The following IGBP1 variants were observed in gnomAD, a reference collection of about 807,000 sequenced individuals.
The protein encoded by IGBP1 is immunoglobulin binding protein 1.
A neutral mutation model predicts 25.9 loss-of-function variants in IGBP1; 2 were observed. The observed-to-expected ratio is 0.08, with a 90% CI of 0.03 to 0.24. The LOEUF is 0.24. Among genes scored for constraint, IGBP1 ranks in the 10% least tolerant of loss-of-function variants. IGBP1 has a pLI of 1.00. For missense variants in IGBP1, 187 were observed against 260.4 expected (o/e 0.72, Z 1.94); for synonymous variants, 96 against 93.4 (o/e 1.03, Z -0.16).
intron 5 of IGBP1, 78 bp from the exon 6 acceptor site, chrX:70,150,132 T>A: frequency 1.7e-6 from 1 of 586,628 alleles, no homozygotes; most frequent in Non-Finnish European, 2.9e-6. Flanking sequence ...TTAGAGAGAC[T>A]TTTTGTAGTA....
intron 6 of IGBP1, among the ~76,000 whole-genome samples, chrX:70,153,860 A>T (rs1196897000): frequency 1.8e-5 from 2 of 110,920 alleles, no homozygotes; most frequent in African/African-American, 6.6e-5. Context: ...CCGCTCCCCA[A>T]AGTGAATGAT....
At chrX:70,136,592 A>G (rs1482805866) in intron 3 of IGBP1, among the ~76,000 whole-genome samples, 1 of 111,399 alleles carries the variant, frequency 9.0e-6, no homozygotes, top group Non-Finnish European at 1.9e-5. Flanking sequence ...AATATCTGGC[A>G]TGTGGTGAGT....
chrX:70,160,830 A>C (rs2147590823), intron 6 of IGBP1, among the ~76,000 whole-genome samples: 1 of 112,310 alleles, frequency 8.9e-6, no homozygotes, highest in South Asian at 3.7e-4. Context: ...GGAGTGTCAA[A>C]GTTAGTGTTA....
rs963491565 is a variant in IGBP1 at position 70,133,463 on chromosome X, C to G, written c.-303C>G. 2.1e-5 allele frequency: 5 copies of G among 235,057 alleles called. No homozygotes were observed. Among genetic ancestry groups the G allele is most frequent in the African/African-American group, 1.4e-4 (5 of 34,944 alleles). The allele number at this position is 235,057 out of a possible 1,213,427, so 19.4% of individuals were successfully genotyped here. A position where few individuals can be genotyped will look rare whatever the true frequency, so the allele number is the denominator to read the frequency against. ...GCGCTACTTGCACTTCGCGCTCAAG[C>G]GACCGGATCTTCAAACCGTGGGAGT... is the stretch of plus-strand genomic sequence containing the variant. On this transcript the variant is annotated 5_prime_UTR_variant, in exon 1 of 7. Transcript: ENST00000356413.
intron 3 of IGBP1, among the ~76,000 whole-genome samples, chrX:70,137,585 A>G (rs1464225946): frequency 9.1e-6 from 1 of 109,948 alleles, no homozygotes; most frequent in Non-Finnish European, 1.9e-5. Context: ...TCCGCTGGTA[A>G]GGACCATGAG....
intron 4 of IGBP1, among the ~76,000 whole-genome samples, chrX:70,147,122 G>A (rs1183462119): frequency 9.0e-6 from 1 of 111,629 alleles, no homozygotes; most frequent in Non-Finnish European, 1.9e-5. Context: ...GGAAGGCATA[G>A]GGAGTTAAAC....
At chrX:70,149,719 G>A (rs2085191027) in intron 5 of IGBP1, 1 of 120,314 alleles carries the variant, frequency 8.3e-6, no homozygotes, top group Non-Finnish European at 1.7e-5. Context: ...ATAATTGAAT[G>A]GAGAATTGTA....
At chrX:70,135,307 AAAC>A (rs1311160442) in intron 3 of IGBP1, among the ~76,000 whole-genome samples, 1 of 111,653 alleles carries the variant, frequency 9.0e-6, no homozygotes, top group Non-Finnish European at 1.9e-5. Flanking sequence ...TTTGTTTTTT[AAAC>A]AACATTTAAT....
intron 3 of IGBP1, among the ~76,000 whole-genome samples, chrX:70,137,062 C>G (rs1236830617): frequency 2.7e-5 from 3 of 110,973 alleles, no homozygotes; most frequent in Non-Finnish European, 5.7e-5. Flanking sequence ...GTACACTGTA[C>G]CAGCAGTTAG....
At chrX:70,138,308 C>G (rs1569421364) in intron 3 of IGBP1, among the ~76,000 whole-genome samples, 1 of 109,748 alleles carries the variant, frequency 9.1e-6, no homozygotes, top group African/African-American at 3.3e-5. Flanking sequence ...AAGTAAGACT[C>G]TGTCTGTACC....
At chrX:70,144,921 G>A (rs1343256688) in intron 3 of IGBP1, among the ~76,000 whole-genome samples, 3 of 108,433 alleles carry the variant, frequency 2.8e-5, no homozygotes, top group African/African-American at 1.0e-4. Context: ...GCCTCCCAAA[G>A]TCCTGGGATT....
chrX:70,154,714 C>CAAAAAAAAAAAAAAA (rs762954223), intron 6 of IGBP1, among the ~76,000 whole-genome samples: 6 of 27,100 alleles, frequency 2.2e-4, no homozygotes, highest in Admixed American at 1.4e-3. Context: ...CCCCTCTCCA[C>CAAAAAAAAAAAAAAA]AAAAAAAAAA....
chrX:70,133,574 A>C, intron 1 of IGBP1, 34 bp downstream of exon 1: 1 of 380,917 alleles, frequency 2.6e-6, no homozygotes, highest in Non-Finnish European at 4.5e-6. Flanking sequence ...CCTAAAACGC[A>C]CTCGCTCGTC....
intron 6 of IGBP1, among the ~76,000 whole-genome samples, chrX:70,156,610 G>T (rs755833650): frequency 8.9e-6 from 1 of 112,085 alleles, no homozygotes; most frequent in African/African-American, 3.2e-5. Flanking sequence ...CTTCTAACTG[G>T]GAATAAGTTC....
chrX:70,154,286 A>G (rs1187290131), intron 6 of IGBP1, among the ~76,000 whole-genome samples: 3 of 105,403 alleles, frequency 2.8e-5, no homozygotes, highest in Admixed American at 1.0e-4. Context: ...GTTAGCCAGG[A>G]TAGTCTCGAT....
At chrX:70,143,179 C>A (rs1243955835) in intron 3 of IGBP1, among the ~76,000 whole-genome samples, 1 of 111,334 alleles carries the variant, frequency 9.0e-6, no homozygotes, top group African/African-American at 3.3e-5. Flanking sequence ...ACCTCAGCCT[C>A]CCAAAGTGCT....
Position 70,133,524 on chromosome X carries a change from A to G in IGBP1, c.-242A>G, listed in dbSNP as rs776440451. On this transcript the variant is annotated 5_prime_UTR_variant, in exon 1 of 7. Transcript: ENST00000356413. Reference sequence around the variant, plus strand: ...CTAGAGTCCCTGGACTCCTCAACCTAGGGAGCTACTCGCGAGGTAAGGGGC... The same window carrying G: ...CTAGAGTCCCTGGACTCCTCAACCTGGGGAGCTACTCGCGAGGTAAGGGGC... 33 of 340,106 alleles carry G rather than the reference A, an allele frequency of 9.7e-5. No individual in the cohort carries two copies. Among genetic ancestry groups the G allele is most frequent in the Middle Eastern group, 7.9e-4 (1 of 1,270 alleles). The allele number at this position is 340,106 out of a possible 1,213,427, so 28.0% of individuals were successfully genotyped here. A position where few individuals can be genotyped will look rare whatever the true frequency, so the allele number is the denominator to read the frequency against.
Position 70,163,189 on chromosome X carries a change from T to C in IGBP1, c.872-2644T>C, listed in dbSNP as rs1004271246. ...TGCCTGGCAGATTTTAAAAGTTTTT[T>C]TCTTTTTTATAATTTTTTGAGCCAA... On this transcript the variant is annotated intron_variant, in intron 6 of 6. Coordinates refer to ENST00000356413, the MANE Select transcript of IGBP1 (RefSeq NM_001551.3). 2.7e-5 allele frequency among the ~76,000 whole-genome samples: 3 copies of C among 110,625 alleles called. No individual in the cohort carries two copies. The Admixed American group carries it at 2.9e-4, about 11-fold the overall frequency.
intron 6 of IGBP1, among the ~76,000 whole-genome samples, chrX:70,150,943 C>T (rs2085198652): frequency 9.1e-6 from 1 of 110,258 alleles, no homozygotes; most frequent in South Asian, 3.8e-4. Flanking sequence ...CCTGGGTGAA[C>T]AGTCCAACTC....
Sources: allele counts gnomAD v4.1 joint callset (sites outside exome capture counted in the v4.1 genomes callset), GRCh38; gene constraint gnomAD v4.1.1; transcripts MANE v1.5; gene names NCBI Gene and HGNC (gene_info 2026-07-23, HGNC 2026-07-21).